Variants in LEF1 observed in about 807,000 individuals in gnomAD.
LEF1 encodes lymphoid enhancer-binding factor 1.
In LEF1, 14 loss-of-function variants were observed where a neutral mutation model predicts 51.2. The observed-to-expected ratio is 0.27, with a 90% CI of 0.18 to 0.43. The LOEUF is 0.43. Ranked by LOEUF, LEF1 falls within the 20% of genes least tolerant of loss-of-function variation. The pLI is 1.00. For synonymous variants in LEF1, 185 were observed against 183.2 expected (o/e 1.01, Z -0.08); for missense variants, 386 against 512.0 (o/e 0.75, Z 2.37).
At chr4:108,064,164 A>ATTTAAAAGAAGGGTCTTTTAAATT (rs1737895384) in intron 10 of LEF1, among the ~76,000 whole-genome samples, 172 bp downstream of exon 10, 1 of 152,212 alleles carries the variant, frequency 6.6e-6, no homozygotes, top group African/African-American at 2.4e-5. Context: ...CCACAGTCAC[A>ATTTAAAAGAAGGGTCTTTTAAATT]TTTAAAAGAA....
intron 3 of LEF1, among the ~76,000 whole-genome samples, chr4:108,126,698 A>G (rs997731502): frequency 6.6e-6 from 1 of 151,044 alleles, no homozygotes; most frequent in African/African-American, 2.4e-5. Flanking sequence ...TCAGCCACTC[A>G]GGAGACTGAG....
intron 3 of LEF1, among the ~76,000 whole-genome samples, chr4:108,154,369 T>C (rs991918052): frequency 6.7e-6 from 1 of 149,874 alleles, no homozygotes; most frequent in Non-Finnish European, 1.5e-5. Flanking sequence ...CTCACCCCAG[T>C]TTTCACATTA....
At chr4:108,135,188 C>T (rs2110360057) in intron 3 of LEF1, among the ~76,000 whole-genome samples, 1 of 152,284 alleles carries the variant, frequency 6.6e-6, no homozygotes, top group African/African-American at 2.4e-5. Context: ...ACTCTAAAAC[C>T]TGCAGCGCAT....
intron 3 of LEF1, among the ~76,000 whole-genome samples, chr4:108,101,520 C>A (rs1293086261): frequency 1.3e-5 from 2 of 152,080 alleles, no homozygotes; most frequent in East Asian, 3.9e-4. Context: ...AATTTAAGGG[C>A]TTATTGAAGA....
At chr4:108,104,476 A>AAT (rs201314868) in intron 3 of LEF1, among the ~76,000 whole-genome samples, 1,925 of 147,626 alleles carry the variant, frequency 0.013, 13 homozygotes, top group Middle Eastern at 0.022. Context: ...ATATATATAA[A>AAT]ATATATATAT....
chr4:108,138,761 T>TTA (rs1236250459), intron 3 of LEF1, among the ~76,000 whole-genome samples: 1 of 152,184 alleles, frequency 6.6e-6, no homozygotes, highest in East Asian at 1.9e-4. Context: ...AGCTGAGAAT[T>TTA]TAGGGCTGAG....
chr4:108,132,685 T>TTTTTTTTTTTGG (rs1383252390), intron 3 of LEF1, among the ~76,000 whole-genome samples: 1 of 139,606 alleles, frequency 7.2e-6, no homozygotes, highest in African/African-American at 2.7e-5. Context: ...TTTTTTTTTT[T>TTTTTTTTTTTGG]GAGGCAGGGT....
Position 108,064,920 on chromosome 4 carries a change from G to C in LEF1, c.1117-536C>G, listed in dbSNP as rs113595201. On this transcript the variant is annotated intron_variant, in intron 9 of 11. Coordinates refer to ENST00000265165, the MANE Select transcript of LEF1 (RefSeq NM_016269.5). The stretch of plus-strand genomic sequence containing the variant: ...TCCATTGTCTGATTAAAAGTTCCCT[G>C]GTGTTAATTGAGTACCCACAGGCCC... 4.1e-3 allele frequency among the ~76,000 whole-genome samples: 620 copies of C among 152,092 alleles called. 4 individuals are homozygous for C. The highest frequency in any genetic ancestry group is 0.014 in the African/African-American group (567 of 41,474).
intron 8 of LEF1, among the ~76,000 whole-genome samples, chr4:108,074,326 A>T (rs1738702297): frequency 6.6e-6 from 1 of 152,226 alleles, no homozygotes. Context: ...ATTTAATTTG[A>T]ATAAACTTGT....
chr4:108,076,391 CAG>C (rs1228569661), intron 8 of LEF1, among the ~76,000 whole-genome samples: 1 of 152,094 alleles, frequency 6.6e-6, no homozygotes, highest in African/African-American at 2.4e-5. Context: ...TTTTTTGAGA[CAG>C]AGTCTCTTTC....
intron 3 of LEF1, among the ~76,000 whole-genome samples, chr4:108,152,232 G>A (rs1560826470): frequency 1.3e-5 from 2 of 152,178 alleles, no homozygotes; most frequent in Admixed American, 6.5e-5. Flanking sequence ...AGAGAACAGG[G>A]CATTTCAGCG....
chr4:108,074,441 G>A (rs1226580134), intron 8 of LEF1, among the ~76,000 whole-genome samples: 1 of 152,046 alleles, frequency 6.6e-6, no homozygotes, highest in Non-Finnish European at 1.5e-5. Flanking sequence ...AATAAAATTT[G>A]TGATATTATT....
At chr4:108,053,283 C>T (rs1177537534) in intron 11 of LEF1, among the ~76,000 whole-genome samples, 1 of 152,168 alleles carries the variant, frequency 6.6e-6, no homozygotes, top group Non-Finnish European at 1.5e-5. Context: ...GCTTCAGCTC[C>T]TTGACAGTAA....
At position 108,165,080 on chromosome 4, in the gene LEF1, T is replaced by C. The variant is rs201026160; in HGVS notation, c.280+17A>G. 6 of 1,611,944 alleles carry C rather than the reference T, an allele frequency of 3.7e-6. No homozygotes were observed. The highest frequency in any genetic ancestry group is 1.1e-5 in the South Asian group (1 of 90,986). On this transcript the variant is annotated intron_variant, in intron 2 of 11. Coordinates refer to ENST00000265165, the MANE Select transcript of LEF1 (RefSeq NM_016269.5). ...CCTTATCTGCTAAAGTCAGAAGAAGTAGAATGGGTGTCTTACCGTCATCGG... is the reference window on the plus strand; with the variant it reads ...CCTTATCTGCTAAAGTCAGAAGAAGCAGAATGGGTGTCTTACCGTCATCGG...
At chr4:108,166,733 G>C in intron 1 of LEF1, 3 of 989,486 alleles carry the variant, frequency 3.0e-6, no homozygotes, top group Middle Eastern at 5.2e-4. Flanking sequence ...CCCGGCTTCC[G>C]CTGCTTCTCC....
rs1745485684 is a variant in LEF1, at chr4:108,167,457, C to T, written c.213+98G>A. The T allele has an allele frequency of 4.0e-6, 5 of 1,246,982 alleles. No homozygotes were observed. The highest frequency in any genetic ancestry group is 5.7e-6 in the Non-Finnish European group (5 of 872,142). The allele number at this position is 1,246,982 out of a possible 1,614,324, so 77.2% of individuals were successfully genotyped here. A position where few individuals can be genotyped will look rare whatever the true frequency, so the allele number is the denominator to read the frequency against. On this transcript the variant is annotated intron_variant, in intron 1 of 11. Transcript: ENST00000265165. The surrounding 1 kb of genome is among the most constrained non-coding windows in gnomAD (Gnocchi z 5.7). ...ACAAACGAGGGATCTACTCGGGACC[C>T]TCAGCCGGGCGGCCGGGCGCCTTCG...
At chr4:108,152,110 G>A (rs139724174) in intron 3 of LEF1, among the ~76,000 whole-genome samples, 141 of 152,304 alleles carry the variant, frequency 9.3e-4, no homozygotes, top group East Asian at 4.8e-3. Flanking sequence ...ATGAGGACCC[G>A]AAAGAGAGAG....
At chr4:108,116,609 A>T (rs2093805358) in intron 3 of LEF1, among the ~76,000 whole-genome samples, 2 of 152,210 alleles carry the variant, frequency 1.3e-5, no homozygotes, top group South Asian at 4.1e-4. Flanking sequence ...CATGATGGCC[A>T]CACACATAAA....
At chr4:108,142,028 A>G (rs1743690181) in intron 3 of LEF1, among the ~76,000 whole-genome samples, 1 of 152,200 alleles carries the variant, frequency 6.6e-6, no homozygotes, top group Non-Finnish European at 1.5e-5. Flanking sequence ...AACTCAGACC[A>G]CACAAAATGA....
Sources: allele counts gnomAD v4.1 joint callset (sites outside exome capture counted in the v4.1 genomes callset), GRCh38; gene constraint gnomAD v4.1.1; non-coding constraint Gnocchi (gnomAD v3.1); transcripts MANE v1.5; gene names NCBI Gene and HGNC (gene_info 2026-07-23, HGNC 2026-07-21).